Variants in MAGI2 observed in about 807,000 individuals in gnomAD.
MAGI2 encodes the protein membrane associated guanylate kinase, WW and PDZ domain containing 2, also known as membrane-associated guanylate kinase, WW and PDZ domain-containing protein 2.
Under a neutral mutation model 133.3 loss-of-function variants are expected in MAGI2, and 35 were observed. The observed-to-expected ratio is 0.26, with a 90% CI of 0.20 to 0.35. The LOEUF is 0.35. MAGI2 is among the 10% of genes least tolerant of loss of function. MAGI2 has a pLI of 1.00. For missense variants in MAGI2, 1,636 were observed against 1,863.4 expected (o/e 0.88, Z 2.25); for synonymous variants, 729 against 710.6 (o/e 1.03, Z -0.41).
At chr7:78,682,138 T>C (rs1815739442) in intron 2 of MAGI2, among the ~76,000 whole-genome samples, 1 of 152,084 alleles carries the variant, frequency 6.6e-6, no homozygotes, top group Admixed American at 6.6e-5. Flanking sequence ...TTCCAATAAA[T>C]AAATATTTTG....
At chr7:78,705,933 C>A (rs1818595631) in intron 2 of MAGI2, among the ~76,000 whole-genome samples, 1 of 152,080 alleles carries the variant, frequency 6.6e-6, no homozygotes, top group African/African-American at 2.4e-5. Flanking sequence ...CCAATCACAG[C>A]AAGACTGTCC....
chr7:78,901,693 G>T lies in MAGI2; in HGVS notation c.418+105397C>A, dbSNP rs921785892. The stretch of plus-strand genomic sequence containing the variant: ...TATACTTTTTTTTTTTTAAGTAAAA[G>T]GGCTTCTATTCACCGTACAGGAAAT... On this transcript the variant is annotated intron_variant, in intron 2 of 21. Coordinates refer to ENST00000354212, the MANE Select transcript of MAGI2 (RefSeq NM_012301.4). Among the ~76,000 whole-genome samples, 9 of 152,056 alleles carry T rather than the reference G, an allele frequency of 5.9e-5. 1 individual carries two copies. The highest frequency in any genetic ancestry group is 5.2e-4 in the Admixed American group (8 of 15,258).
intron 1 of MAGI2, among the ~76,000 whole-genome samples, chr7:79,356,570 T>C (rs1842032925): frequency 6.6e-6 from 1 of 152,160 alleles, no homozygotes; most frequent in South Asian, 2.1e-4. Flanking sequence ...TTCCAAAGCC[T>C]TGATATTTTA....
intron 3 of MAGI2, among the ~76,000 whole-genome samples, chr7:78,598,446 G>A (rs1040643886): frequency 2.0e-5 from 3 of 152,042 alleles, no homozygotes; most frequent in Admixed American, 2.0e-4. Context: ...AAAGATGGTA[G>A]ATTAAAATCC....
chr7:78,943,332 A>G (rs1801139057), intron 2 of MAGI2, among the ~76,000 whole-genome samples: 2 of 152,142 alleles, frequency 1.3e-5, no homozygotes, highest in Admixed American at 1.3e-4. Flanking sequence ...AAAAAGCTTT[A>G]CTCTTGGGAT....
chr7:79,210,884 T>A (rs1829441789), intron 1 of MAGI2, among the ~76,000 whole-genome samples: 1 of 152,084 alleles, frequency 6.6e-6, no homozygotes, highest in Non-Finnish European at 1.5e-5. Flanking sequence ...TTCACTTCTT[T>A]CACTGTTGAA....
chr7:79,225,297 A>G (rs191943542), intron 1 of MAGI2, among the ~76,000 whole-genome samples: 150 of 152,338 alleles, frequency 9.8e-4, no homozygotes, highest in African/African-American at 3.5e-3. Flanking sequence ...CACTCAATGT[A>G]AGAACCCCAC....
chr7:78,611,193 G>A (rs1806402225), intron 3 of MAGI2, among the ~76,000 whole-genome samples: 1 of 152,174 alleles, frequency 6.6e-6, no homozygotes, highest in South Asian at 2.1e-4. Context: ...TCTGACAAGA[G>A]AGTTCTTAGT....
intron 9 of MAGI2, among the ~76,000 whole-genome samples, chr7:78,259,283 T>C (rs1202639967): frequency 6.6e-6 from 1 of 152,142 alleles, no homozygotes; most frequent in Non-Finnish European, 1.5e-5. Flanking sequence ...CTGCAAGGTA[T>C]AGTAGAGATC....
At chr7:79,033,691 T>C (rs1037797131) in intron 1 of MAGI2, among the ~76,000 whole-genome samples, 14 of 152,186 alleles carry the variant, frequency 9.2e-5, no homozygotes, top group African/African-American at 3.1e-4. Flanking sequence ...AGAAAAATTG[T>C]AGTGGATTCA....
chr7:79,019,316 A>T (rs1809053699), intron 1 of MAGI2, among the ~76,000 whole-genome samples: 1 of 152,112 alleles, frequency 6.6e-6, no homozygotes, highest in South Asian at 2.1e-4. Context: ...AGTTTCCCCC[A>T]TGCTGTTCTT....
chr7:78,766,303 T>G (rs557681735), intron 2 of MAGI2, among the ~76,000 whole-genome samples: 1 of 152,308 alleles, frequency 6.6e-6, no homozygotes, highest in African/African-American at 2.4e-5. Flanking sequence ...GAGAGGATCT[T>G]AAAGATGCCT....
At chr7:78,136,468 T>C (rs186549588) in intron 16 of MAGI2, among the ~76,000 whole-genome samples, 1 of 152,284 alleles carries the variant, frequency 6.6e-6, no homozygotes, top group Non-Finnish European at 1.5e-5. Context: ...GCCACACACA[T>C]GGGAATACAG....
At chr7:78,633,269 G>A (rs1305390429) in intron 2 of MAGI2, among the ~76,000 whole-genome samples, 1 of 151,552 alleles carries the variant, frequency 6.6e-6, no homozygotes, top group African/African-American at 2.4e-5. Flanking sequence ...GAGGGACGAG[G>A]GACAGGAGCA....
Position 78,195,012 on chromosome 7 carries a change from G to C in MAGI2, c.2131C>G (p.Pro711Ala). ...QGSPQTSLSA[P>A]AIPQNLPFPP... ...AAGGGCAGGTTCTGCGGTATGGCCG[G>C]AGCAGATAAACTCGTTTGAGGACTG... is the stretch of plus-strand genomic sequence containing the variant. Residue 711 changes from proline to alanine, a missense_variant, in exon 12 of 22, where the codon CCG becomes GCG. By Grantham distance (27) the Pro-to-Ala change is conservative. Around this residue, in one of 5 missense-constraint regions of MAGI2, gnomAD observed 920 missense variants for 1,093.5 expected, o/e 0.84. Coordinates refer to ENST00000354212, the MANE Select transcript of MAGI2 (RefSeq NM_012301.4). 3 of 1,613,798 alleles carry C rather than the reference G, an allele frequency of 1.9e-6. No homozygotes were observed. The highest frequency in any genetic ancestry group is 2.5e-6 in the Non-Finnish European group (3 of 1,179,860).
chr7:79,226,098 T>G (rs1228640377), intron 1 of MAGI2, among the ~76,000 whole-genome samples: 1 of 152,156 alleles, frequency 6.6e-6, no homozygotes, highest in Non-Finnish European at 1.5e-5. Context: ...AGGAAAAAAT[T>G]AAGATAAAAG....
intron 2 of MAGI2, among the ~76,000 whole-genome samples, chr7:78,677,570 A>T (rs1188926940): frequency 1.3e-5 from 2 of 152,030 alleles, no homozygotes; most frequent in East Asian, 3.9e-4. Flanking sequence ...ACCAATTACC[A>T]TGTCTAAGGC....
intron 1 of MAGI2, among the ~76,000 whole-genome samples, chr7:79,025,622 G>A (rs558207311): frequency 6.7e-5 from 10 of 149,752 alleles, no homozygotes; most frequent in South Asian, 2.2e-4. Context: ...GTATGTGTCC[G>A]TAAAAAGAAT....
At chr7:78,164,701 T>G (rs1303418633) in intron 15 of MAGI2, among the ~76,000 whole-genome samples, 1 of 152,228 alleles carries the variant, frequency 6.6e-6, no homozygotes, top group Non-Finnish European at 1.5e-5. Flanking sequence ...AGACTTTCCC[T>G]TAGGTGTTAG....
Sources: allele counts gnomAD v4.1 joint callset (sites outside exome capture counted in the v4.1 genomes callset), GRCh38; gene constraint gnomAD v4.1.1; regional missense constraint gnomAD v4.1.1; transcripts MANE v1.5; gene names NCBI Gene and HGNC (gene_info 2026-07-23, HGNC 2026-07-21).